ODF2L: variants seen among roughly 807,000 people sequenced by gnomAD.
ODF2L encodes the protein outer dense fiber of sperm tails 2 like, also known as protein BCAP.
A neutral mutation model predicts 86.3 loss-of-function variants in ODF2L; 76 were observed. That is an observed-to-expected ratio of 0.88 (90% CI 0.73 to 1.07). The LOEUF is 1.07. ODF2L is among the 50% of genes least tolerant of loss of function. The probability of loss-of-function intolerance (pLI) is 0.00; values close to 1 mark genes in which losing one functional copy is unlikely to be tolerated. For missense variants in ODF2L, 748 were observed against 717.4 expected, an observed-to-expected ratio of 1.04 and a Z score of -0.49; for synonymous variants, 241 against 231.3, an observed-to-expected ratio of 1.04 and a Z score of -0.38.
intron 1 of ODF2L, among the ~76,000 whole-genome samples, chr1:86,390,287 G>A (rs1661228216): frequency 6.6e-6 from 1 of 152,118 alleles, no homozygotes; most frequent in Admixed American, 6.5e-5. Context: ...TGGGCATCGT[G>A]GCGGGTGCCT....
intron 1 of ODF2L, among the ~76,000 whole-genome samples, chr1:86,388,456 G>A (rs1293427906): frequency 6.6e-6 from 1 of 151,942 alleles, no homozygotes; most frequent in Non-Finnish European, 1.5e-5. Flanking sequence ...TCTCAAGAAA[G>A]AATGTCTTTT....
intron 11 of ODF2L, among the ~76,000 whole-genome samples, chr1:86,364,774 G>A (rs976269045): frequency 6.6e-6 from 1 of 152,122 alleles, no homozygotes; most frequent in African/African-American, 2.4e-5. Context: ...ATGACCTAGG[G>A]ATGGCAGAAC....
intron 7 of ODF2L, among the ~76,000 whole-genome samples, chr1:86,379,698 C>T (rs1002702508): frequency 6.6e-6 from 1 of 152,240 alleles, no homozygotes; most frequent in South Asian, 2.1e-4. Context: ...CACGCCCTGA[C>T]ACTAGAGTTA....
intron 14 of ODF2L, chr1:86,355,298 ATTT>A: frequency 7.7e-7 from 1 of 1,290,496 alleles, no homozygotes; most frequent in Non-Finnish European, 1.1e-6. Flanking sequence ...TAAAATACAT[ATTT>A]TTTTGAGAAG....
chr1:86,352,024 A>G, exon 18 of ODF2L: 1 of 1,300,998 alleles, frequency 7.7e-7, no homozygotes. Flanking sequence ...TTAGAAATAA[A>G]TGGAAGGCCT....
At chr1:86,356,518 A>G (rs1345595760) in exon 14 of ODF2L, 3 of 1,613,874 alleles carry the variant, frequency 1.9e-6, no homozygotes, top group Non-Finnish European at 1.7e-6. Context: ...CTCTCCTGAC[A>G]CTCGTGAAGC....
chr1:86,355,037 G>A lies in ODF2L; in HGVS notation c.1519-178C>T, dbSNP rs1658431304. On this transcript the variant is annotated intron_variant, in intron 14 of 17. Coordinates refer to ENST00000317336, the Ensembl canonical transcript of ODF2L. ...TTAAAATGGAAGTTTTAAATTCCTGGTTAAATTTAAAGAAGTTATGTTGCC... is the reference window on the plus strand; with the variant it reads ...TTAAAATGGAAGTTTTAAATTCCTGATTAAATTTAAAGAAGTTATGTTGCC... 4 of 543,244 alleles carry A rather than the reference G, an allele frequency of 7.4e-6. No homozygotes were observed. The Admixed American group carries it at 1.1e-4, about 14-fold the overall frequency. The allele number at this position is 543,244 out of a possible 1,614,324, so 33.7% of individuals were successfully genotyped here. A position where few individuals can be genotyped will look rare whatever the true frequency, so the allele number is the denominator to read the frequency against.
chr1:86,384,918 A>G (rs771581044), intron 3 of ODF2L, 117 bp from the exon 4 acceptor site: 59 of 703,764 alleles, frequency 8.4e-5, no homozygotes, highest in Admixed American at 2.4e-4. Context: ...TTTTGTGCAT[A>G]GTAATAATAA....
intron 13 of ODF2L, 124 bp from the exon 13 acceptor site, chr1:86,356,726 C>G: frequency 1.5e-6 from 1 of 675,486 alleles, no homozygotes; most frequent in Non-Finnish European, 2.2e-6. Flanking sequence ...TAAATAAGAA[C>G]ACAACTGAAT....
At chr1:86,380,426 C>A (rs1660495076) in intron 7 of ODF2L, among the ~76,000 whole-genome samples, 1 of 152,158 alleles carries the variant, frequency 6.6e-6, no homozygotes, top group Non-Finnish European at 1.5e-5. Flanking sequence ...GAACATCCCA[C>A]AGGAAACACT....
In ODF2L at chr1:86,368,772, A is replaced by T. The variant is rs1308876681; in HGVS notation, c.1057-50T>A. Reference sequence around the variant, plus strand: ...TATGTATGAAAATGTTCATCAGAGCATTATTATTATTAAATGTTAAAAACA... The same window carrying T: ...TATGTATGAAAATGTTCATCAGAGCTTTATTATTATTAAATGTTAAAAACA... On this transcript the variant is annotated intron_variant, in intron 10 of 17. Transcript: ENST00000317336. 2.3e-6 allele frequency: 3 copies of T among 1,282,674 alleles called. No individual in the cohort carries two copies. The Admixed American group carries it at 1.0e-4, about 44-fold the overall frequency. The allele number at this position is 1,282,674 out of a possible 1,614,324, so 79.5% of individuals were successfully genotyped here.
downstream of ODF2L, chr1:86,349,366 A>T (rs1657975811): frequency 6.6e-6 from 1 of 152,280 alleles, no homozygotes; most frequent in Non-Finnish European, 1.5e-5. Flanking sequence ...TTAAAACCAC[A>T]ATACATTTTT....
At chr1:86,380,940 A>G (rs1371055741) in intron 7 of ODF2L, among the ~76,000 whole-genome samples, 2 of 149,214 alleles carry the variant, frequency 1.3e-5, no homozygotes, top group Non-Finnish European at 3.0e-5. Context: ...AATTGAGTTC[A>G]TTGGATTCAT....
intron 8 of ODF2L, among the ~76,000 whole-genome samples, chr1:86,375,883 C>T (rs1660133062): frequency 6.6e-6 from 1 of 152,142 alleles, no homozygotes; most frequent in African/African-American, 2.4e-5. Flanking sequence ...CTTCTCAGAA[C>T]CTTTAATTTG....
At chr1:86,382,785 G>T in intron 6 of ODF2L, 146 bp downstream of exon 6, 1 of 607,508 alleles carries the variant, frequency 1.6e-6, no homozygotes, top group Non-Finnish European at 2.9e-6. Flanking sequence ...ATATTTGATA[G>T]GTAAAACCTG....
chr1:86,390,712 C>T (rs1661264918), intron 1 of ODF2L, among the ~76,000 whole-genome samples: 1 of 152,106 alleles, frequency 6.6e-6, no homozygotes, highest in South Asian at 2.1e-4. Flanking sequence ...TATGACAAAC[C>T]CATAGCCAAC....
intron 11 of ODF2L, among the ~76,000 whole-genome samples, chr1:86,364,720 G>A (rs1304133554): frequency 6.6e-6 from 1 of 152,044 alleles, no homozygotes; most frequent in African/African-American, 2.4e-5. Context: ...TGACTATAAT[G>A]GCTGAAGCTC....
chr1:86,363,003 C>T (rs1019053105), intron 11 of ODF2L, among the ~76,000 whole-genome samples: 5 of 151,272 alleles, frequency 3.3e-5, no homozygotes, highest in South Asian at 4.2e-4. Flanking sequence ...CTGAATGCTG[C>T]CTGCAGGGGC....
chr1:86,376,417 C>A, exon 8 of ODF2L: 1 of 1,567,258 alleles, frequency 6.4e-7, no homozygotes, highest in Non-Finnish European at 8.6e-7. Flanking sequence ...GGTTTCTAAG[C>A]TCTAAAAAAA....
Sources: gnomAD v4.1 joint callset for allele counts (sites outside exome capture counted in the v4.1 genomes callset) on GRCh38, gnomAD v4.1.1 for gene constraint, MANE v1.5 for transcripts, NCBI Gene and HGNC (gene_info 2026-07-23, HGNC 2026-07-21) for gene names.